EIF2A: variants seen among roughly 807,000 people sequenced by gnomAD.
The protein encoded by EIF2A is 65 kDa eukaryotic translation initiation factor 2A.
A neutral mutation model predicts 75.2 loss-of-function variants in EIF2A; 62 were observed. The ratio of observed to expected loss-of-function variants is 0.82; its 90% CI spans 0.67 to 1.02. The LOEUF is 1.02. EIF2A is among the 50% of genes least tolerant of loss of function. The probability of loss-of-function intolerance (pLI) is 0.00; values close to 1 mark genes in which losing one functional copy is unlikely to be tolerated. For synonymous variants in EIF2A, 207 were observed against 239.0 expected (o/e 0.87, Z 1.23); for missense variants, 611 against 677.7 (o/e 0.90, Z 1.09).
intron 9 of EIF2A, among the ~76,000 whole-genome samples, chr3:150,570,577 AG>A (rs1724450775): frequency 1.3e-5 from 2 of 151,168 alleles, no homozygotes; most frequent in South Asian, 4.2e-4. Flanking sequence ...AAAAAAAAAA[AG>A]AAGAAGAAAA....
At chr3:150,557,997 C>A (rs928721077) in intron 2 of EIF2A, among the ~76,000 whole-genome samples, 2 of 152,166 alleles carry the variant, frequency 1.3e-5, no homozygotes, top group Non-Finnish European at 2.9e-5. Context: ...TAGTAAACAT[C>A]TTCACTTCGG....
chr3:150,567,798 ATG>A, intron 7 of EIF2A, 32 bp downstream of exon 7: 1 of 1,571,458 alleles, frequency 6.4e-7, no homozygotes, highest in Non-Finnish European at 8.6e-7. Context: ...GTGTAATATT[ATG>A]TGTTTAAACC....
At chr3:150,560,716 C>CTTTTTTTT (rs71138455) in intron 3 of EIF2A, among the ~76,000 whole-genome samples, 5 of 120,680 alleles carry the variant, frequency 4.1e-5, no homozygotes, top group African/African-American at 3.0e-5. Flanking sequence ...GATGGAGAGT[C>CTTTTTTTT]TTTTTTTTTT....
intron 5 of EIF2A, 28 bp downstream of exon 5, chr3:150,563,642 T>G (rs2107926066): frequency 1.4e-6 from 2 of 1,423,358 alleles, no homozygotes; most frequent in East Asian, 2.5e-5. Flanking sequence ...AATACTAATT[T>G]TTTACATAGT....
chr3:150,570,914 A>G (rs1447403692), intron 9 of EIF2A, among the ~76,000 whole-genome samples: 1 of 151,670 alleles, frequency 6.6e-6, no homozygotes, highest in African/African-American at 2.4e-5. Context: ...TAAAAATACA[A>G]AATTAGCCCG....
chr3:150,562,296 C>T (rs190250643), intron 3 of EIF2A, among the ~76,000 whole-genome samples: 16,826 of 151,648 alleles, frequency 0.11, 1,197 homozygotes, highest in Non-Finnish European at 0.16. Context: ...GTGGCGGGCA[C>T]CTGTAGTCCC....
chr3:150,579,123 A>G (rs1559886322), intron 11 of EIF2A, among the ~76,000 whole-genome samples: 1 of 152,160 alleles, frequency 6.6e-6, no homozygotes, highest in Non-Finnish European at 1.5e-5. Context: ...TTCTTCCTAG[A>G]GAGCTATATT....
intron 10 of EIF2A, among the ~76,000 whole-genome samples, chr3:150,573,208 C>T (rs1006627553): frequency 5.3e-5 from 8 of 152,076 alleles, no homozygotes; most frequent in Non-Finnish European, 1.2e-4. Context: ...GAAATTGATA[C>T]AGAAAATAAT....
At position 150,585,858 on chromosome 3, in the gene EIF2A, A is replaced by C. The variant is rs1725451388; in HGVS notation, c.*1947A>C. On this transcript the variant is annotated 3_prime_UTR_variant, in exon 14 of 14. Coordinates refer to ENST00000460851, the MANE Select transcript of EIF2A (RefSeq NM_032025.5). ...GTCCTTACAAGAAAAGACACCAGAG[A>C]GCTTGTTCTGTCTCTTTGGGCCATG... is the stretch of plus-strand genomic sequence containing the variant. Among the ~76,000 whole-genome samples the C allele has an allele frequency of 6.6e-6, 1 of 152,122 alleles. No homozygotes were observed. Among genetic ancestry groups the C allele is most frequent in the Non-Finnish European group, 1.5e-5 (1 of 68,028 alleles).
intron 2 of EIF2A, among the ~76,000 whole-genome samples, chr3:150,554,832 A>G (rs1250992802): frequency 2.0e-5 from 3 of 152,200 alleles, no homozygotes; most frequent in African/African-American, 4.8e-5. Flanking sequence ...AAGACCAACT[A>G]TATTGGCATC....
intron 2 of EIF2A, among the ~76,000 whole-genome samples, chr3:150,556,695 A>AT (rs1377561168): frequency 6.6e-6 from 1 of 152,120 alleles, no homozygotes; most frequent in Non-Finnish European, 1.5e-5. Context: ...CTTTTTCTCT[A>AT]TTTTTTGTGT....
intron 3 of EIF2A, 31 bp downstream of exon 3, chr3:150,558,493 G>A (rs1723688923): frequency 1.4e-6 from 2 of 1,446,704 alleles, no homozygotes. Context: ...CATATTTTGT[G>A]TGTCACGAAT....
Position 150,583,258 on chromosome 3 carries a change from A to C in EIF2A, c.1685A>C (p.Lys562Thr). 6.2e-7 allele frequency: 1 copy of C among 1,613,102 alleles called. No homozygotes were observed. The highest frequency in any genetic ancestry group is 8.5e-7 in the Non-Finnish European group (1 of 1,179,590). ...EQAATGKQLE[K>T]NQLEKIQKET... ...GCAGCAACTGGAAAACAGCTAGAAA[A>C]AAATCAGGTACTTTCTGCATTTTTC... The change falls in exon 13 of 14, where the codon AAA (lysine) becomes ACA (threonine). Residue 562 changes from lysine to threonine, a missense_variant. Physicochemically the swap from Lys to Thr is moderately conservative, Grantham distance 78. Transcript: ENST00000460851.
Position 150,562,539 on chromosome 3 carries a change from C to G in EIF2A, c.174-3C>G. 1.9e-6 allele frequency: 3 copies of G among 1,605,332 alleles called. No homozygotes were observed. Among genetic ancestry groups the G allele is most frequent in the Non-Finnish European group, 2.6e-6 (3 of 1,174,104 alleles). On this transcript the variant is annotated splice_region_variant and splice_polypyrimidine_tract_variant and intron_variant, in intron 3 of 13. Coordinates refer to ENST00000460851, the MANE Select transcript of EIF2A (RefSeq NM_032025.5). ...TTGCTGAAATAATTTCTTTTGAAAC[C>G]AGAGTAAATATTATCAGTGTCACTA...
intron 5 of EIF2A, 103 bp from the exon 6 acceptor site, chr3:150,564,196 T>C (rs1724039044): frequency 1.2e-6 from 1 of 850,114 alleles, no homozygotes; most frequent in African/African-American, 1.7e-5. Context: ...TAAGTGTTTT[T>C]CCTTAAATGG....
rs11379788 is a variant in EIF2A, at chr3:150,558,366, C to CTT, written c.99-13_99-12dup. 2.0e-3 allele frequency: 2,635 copies of CTT among 1,331,206 alleles called. 1 individual carries two copies. Among genetic ancestry groups the CTT allele is most frequent in the African/African-American group, 4.6e-3 (297 of 64,024 alleles). The allele number at this position is 1,331,206 out of a possible 1,614,324, so 82.5% of individuals were successfully genotyped here. A position where few individuals can be genotyped will look rare whatever the true frequency, so the allele number is the denominator to read the frequency against. On this transcript the variant is annotated intron_variant, in intron 2 of 13. Coordinates refer to ENST00000460851, the MANE Select transcript of EIF2A (RefSeq NM_032025.5). Reference sequence around the variant, plus strand: ...AGTATTAATGCTTATTCATTTAAACCTTTTTTTTTTGTCATTTTCAGGGAA... The same window carrying CTT: ...AGTATTAATGCTTATTCATTTAAACCTTTTTTTTTTTTGTCATTTTCAGGGAA...
chr3:150,583,722 AT>A, intron 13 of EIF2A, 123 bp from the exon 14 acceptor site: 1 of 864,308 alleles, frequency 1.2e-6, no homozygotes, highest in Non-Finnish European at 1.8e-6. Flanking sequence ...TCTAACCTGT[AT>A]TTTAAAATCT....
intron 13 of EIF2A, 41 bp downstream of exon 13, chr3:150,583,306 A>G (rs372714248): frequency 1.3e-6 from 2 of 1,576,332 alleles, no homozygotes; most frequent in Non-Finnish European, 8.7e-7. Context: ...GGTGACCACC[A>G]GCCTTCCCCC....
chr3:150,572,740 C>T (rs977153329), intron 10 of EIF2A, among the ~76,000 whole-genome samples: 13 of 151,610 alleles, frequency 8.6e-5, no homozygotes, highest in South Asian at 2.1e-4. Flanking sequence ...CCCGTAGTCC[C>T]GGCTACTCGG....
Sources: allele counts gnomAD v4.1 joint callset (sites outside exome capture counted in the v4.1 genomes callset), GRCh38; gene constraint gnomAD v4.1.1; transcripts MANE v1.5; gene names NCBI Gene and HGNC (gene_info 2026-07-23, HGNC 2026-07-21).